DOCK7: variants seen among roughly 807,000 people sequenced by gnomAD.
DOCK7 encodes the protein dedicator of cytokinesis 7, also known as dedicator of cytokinesis protein 7.
Under a neutral mutation model 271.0 loss-of-function variants are expected in DOCK7, and 138 were observed. The observed-to-expected ratio is 0.51, with a 90% confidence interval of 0.44 to 0.59. The LOEUF (loss-of-function observed/expected upper bound fraction) is 0.59, where lower values mean the gene tolerates loss of function less well. DOCK7 is among the 20% of genes least tolerant of loss of function. The pLI, the probability that DOCK7 is intolerant of heterozygous loss-of-function variation, is 0.00. For synonymous variants in DOCK7, 823 were observed against 876.1 expected, an observed-to-expected ratio of 0.94 and a Z score of 1.07; for missense variants, 2,066 against 2,592.4, an observed-to-expected ratio of 0.80 and a Z score of 4.41.
chr1:62,527,743 G>C (rs1645054423), intron 31 of DOCK7, among the ~76,000 whole-genome samples: 1 of 135,986 alleles, frequency 7.4e-6, no homozygotes, highest in African/African-American at 2.7e-5. Context: ...TGGGGGGAGG[G>C]GGAGGGATAG....
intron 37 of DOCK7, among the ~76,000 whole-genome samples, chr1:62,497,084 A>G (rs1169011480): frequency 1.3e-5 from 2 of 152,120 alleles, no homozygotes; most frequent in African/African-American, 2.4e-5. Flanking sequence ...GTCAAATCCA[A>G]TATTTTTTGG....
intron 28 of DOCK7, among the ~76,000 whole-genome samples, chr1:62,536,429 TA>T (rs1557682280): frequency 8.5e-5 from 13 of 152,200 alleles, no homozygotes; most frequent in Admixed American, 5.2e-4. Context: ...TATGTTTCCT[TA>T]AGGGTGTTAG....
intron 11 of DOCK7, among the ~76,000 whole-genome samples, chr1:62,630,648 C>G (rs926534353): frequency 6.6e-6 from 1 of 152,068 alleles, no homozygotes; most frequent in Non-Finnish European, 1.5e-5. Context: ...CATGCAAACT[C>G]TACACAGACA....
intron 2 of DOCK7, among the ~76,000 whole-genome samples, chr1:62,655,226 A>G (rs1657860735): frequency 6.6e-6 from 1 of 152,174 alleles, no homozygotes; most frequent in African/African-American, 2.4e-5. Context: ...TAGTTCGAAA[A>G]AGAAAAAAAT....
intron 18 of DOCK7, among the ~76,000 whole-genome samples, chr1:62,571,006 A>G (rs926759116): frequency 2.6e-5 from 4 of 152,228 alleles, no homozygotes; most frequent in Non-Finnish European, 5.9e-5. Context: ...CAAAGATTTC[A>G]TGACAAAAAC....
chr1:62,582,922 G>T (rs1473890232), intron 16 of DOCK7, among the ~76,000 whole-genome samples: 1 of 151,966 alleles, frequency 6.6e-6, no homozygotes, highest in Non-Finnish European at 1.5e-5. Context: ...AAGGACCAGC[G>T]GCCACAATGA....
chr1:62,473,243 T>C (rs1645879787), intron 48 of DOCK7, among the ~76,000 whole-genome samples: 1 of 152,076 alleles, frequency 6.6e-6, no homozygotes, highest in Non-Finnish European at 1.5e-5. Context: ...ATCATAGAAA[T>C]TAAGTGACCT....
rs1350862534 is a variant in DOCK7, at chr1:62,474,004, A to G, written c.6190T>C (p.Cys2064Arg). ...TACCTTTTAGTAAAATCTTTAAAGC[A>G]GAGTCGCAGTTTATTATGATGTCTG... ...LFRHHNKLRLCFKDFTKRCED... is the reference protein window; with the variant it reads ...LFRHHNKLRLRFKDFTKRCED... Residue 2064 changes from cysteine to arginine, a missense_variant, in exon 48 of 50, where the codon TGC becomes CGC. Coordinates refer to ENST00000635253, the MANE Select transcript of DOCK7 (RefSeq NM_001367561.1). The G allele has an allele frequency of 1.2e-6, 2 of 1,614,026 alleles. No homozygotes were observed. The highest frequency in any genetic ancestry group is 2.2e-5 in the South Asian group (2 of 91,036).
chr1:62,529,592 C>A (rs12039115), intron 29 of DOCK7, 146 bp from the exon 30 acceptor site: 2 of 468,026 alleles, frequency 4.3e-6, no homozygotes, highest in Non-Finnish European at 7.2e-6. Context: ...CATTCCATTC[C>A]TATAAAACAT....
At chr1:62,678,061 A>G (rs1432373955) in intron 1 of DOCK7, among the ~76,000 whole-genome samples, 5 of 152,184 alleles carry the variant, frequency 3.3e-5, no homozygotes, top group Admixed American at 2.0e-4. Flanking sequence ...CCAGGAGTTC[A>G]AGGTTATAGT....
intron 1 of DOCK7, among the ~76,000 whole-genome samples, chr1:62,672,352 T>C (rs896483431): frequency 1.3e-4 from 20 of 152,094 alleles, no homozygotes; most frequent in African/African-American, 4.8e-4. Flanking sequence ...ACGTGTCACA[T>C]ACTGTGCAAA....
rs1372142696 is a variant in DOCK7, at chr1:62,479,251, C to T, written c.5509-1426G>A. ...ATTAAGCAAAATGGGAAGCTCTAATCCTTAATTTACCAGTTTTATAATACC... is the reference window on the plus strand; with the variant it reads ...ATTAAGCAAAATGGGAAGCTCTAATTCTTAATTTACCAGTTTTATAATACC... On this transcript the variant is annotated intron_variant, in intron 43 of 49. Transcript: ENST00000635253. Among the ~76,000 whole-genome samples, 4 of 141,702 alleles carry T rather than the reference C, an allele frequency of 2.8e-5. No individual in the cohort carries two copies. The East Asian group carries it at 6.6e-4, about 23-fold the overall frequency. The allele number at this position is 141,702 out of a possible 152,430, so 93.0% of individuals were successfully genotyped here.
chr1:62,565,356 T>C (rs1445251599), intron 18 of DOCK7, among the ~76,000 whole-genome samples: 1 of 152,134 alleles, frequency 6.6e-6, no homozygotes, highest in African/African-American at 2.4e-5. Context: ...AAAAAGCTTA[T>C]CCACCACGAT....
At chr1:62,511,791 T>A (rs755438880) in intron 33 of DOCK7, among the ~76,000 whole-genome samples, 1 of 152,036 alleles carries the variant, frequency 6.6e-6, no homozygotes, top group African/African-American at 2.4e-5. Context: ...TATATTAAGA[T>A]AGTTAGCAAA....
Position 62,636,578 on chromosome 1 carries a change from A to C in DOCK7, c.844T>G (p.Phe282Val). 6.2e-7 allele frequency: 1 copy of C among 1,603,532 alleles called. No individual in the cohort carries two copies. The highest frequency in any genetic ancestry group is 8.5e-7 in the Non-Finnish European group (1 of 1,173,532). Residue 282 changes from phenylalanine to valine, a missense_variant, in exon 8 of 50, where the codon TTT becomes GTT. Transcript: ENST00000635253. ...ACATCATATAAAGCCAAACTTGCAA[A>C]AATGGGTTCAATTTCAATTTCAAAC... ...LKFEIEIEPI[F>V]ASLALYDVKE...
intron 14 of DOCK7, among the ~76,000 whole-genome samples, chr1:62,595,253 G>A (rs1426996613): frequency 6.6e-6 from 1 of 152,082 alleles, no homozygotes. Context: ...ACTATAGTAT[G>A]GGTACAAATG....
rs1231999748 is a variant in DOCK7 at position 62,578,929 on chromosome 1, G to A, written c.1909C>T (p.Pro637Ser). 6.3e-7 allele frequency: 1 copy of A among 1,595,028 alleles called. No individual in the cohort carries two copies. The highest frequency in any genetic ancestry group is 1.7e-5 in the Admixed American group (1 of 57,410). Reference protein sequence around the residue: ...DFHEEIKVKLPATLTDHHHLL... With the variant: ...DFHEEIKVKLSATLTDHHHLL... ...TGATGATGGTCAGTTAAAGTAGCAG[G>A]AAGCTTAACCTTGATTTCTTCATGA... Residue 637 changes from proline (P) to serine (S), a missense_variant, in exon 17 of 50, where the codon CCT becomes TCT. Pro to Ser is a moderately conservative substitution (Grantham distance 74). Around this residue, in one of 2 missense-constraint regions of DOCK7, gnomAD observed 1,414 missense variants for 1,670.4 expected, o/e 0.85. Transcript: ENST00000635253.
intron 1 of DOCK7, among the ~76,000 whole-genome samples, chr1:62,678,600 C>A (rs1339104559): frequency 6.6e-6 from 1 of 152,008 alleles, no homozygotes; most frequent in African/African-American, 2.4e-5. Flanking sequence ...CAATGCAATC[C>A]CAATCAAATT....
chr1:62,593,228 T>C (rs1648724974), intron 14 of DOCK7, among the ~76,000 whole-genome samples: 1 of 152,124 alleles, frequency 6.6e-6, no homozygotes, highest in Non-Finnish European at 1.5e-5. Flanking sequence ...ATTTTTATTT[T>C]TTATAGGTTT....
Sources: gnomAD v4.1 joint callset for allele counts (sites outside exome capture counted in the v4.1 genomes callset) on GRCh38, gnomAD v4.1.1 for gene constraint, gnomAD v4.1.1 regional missense constraint, MANE v1.5 for transcripts, NCBI Gene and HGNC (gene_info 2026-07-23, HGNC 2026-07-21) for gene names.